The following OPA1 variants were observed in gnomAD, a reference collection of about 807,000 sequenced individuals.
OPA1 encodes the protein dynamin-like GTPase OPA1, mitochondrial.
Under a neutral mutation model 152.9 loss-of-function variants are expected in OPA1, and 59 were observed. The observed-to-expected ratio is 0.39, with a 90% CI of 0.31 to 0.48. The LOEUF is 0.48. OPA1 is among the 20% of genes least tolerant of loss of function. The pLI is 0.96. For missense variants in OPA1, 1,008 were observed against 1,216.8 expected, an observed-to-expected ratio of 0.83 and a Z score of 2.55; for synonymous variants, 400 against 389.9, an observed-to-expected ratio of 1.03 and a Z score of -0.31.
rs375103433 is a variant in OPA1 at position 193,660,520 on chromosome 3, C to A, written c.2520+959C>A. On this transcript the variant is annotated intron_variant, in intron 25 of 30. Coordinates refer to ENST00000361510, the MANE Select transcript of OPA1 (RefSeq NM_130837.3). ...AATAAAAATTGACCAAATGAGATGT[C>A]CCTATTTCTTTATTTTATATTTTCA... is the stretch of plus-strand genomic sequence containing the variant. Among the ~76,000 whole-genome samples, 33 of 152,164 alleles carry A rather than the reference C, an allele frequency of 2.2e-4. 1 individual carries two copies. The East Asian group carries it at 4.6e-3, about 21-fold the overall frequency.
rs538227293 is a variant in OPA1, at chr3:193,615,125, T to A, written c.351+84T>A. On this transcript the variant is annotated intron_variant, in intron 2 of 30. Transcript: ENST00000361510. ...CATAAATCATTTTTGTGTAGTGGAA[T>A]ACAATTGGATGTTTAAACATTTATT... 3.8e-6 allele frequency: 4 copies of A among 1,045,088 alleles called. No individual in the cohort carries two copies. In the South Asian group the frequency reaches 3.8e-5, roughly 10 times the overall value. The allele number at this position is 1,045,088 out of a possible 1,614,324, so 64.7% of individuals were successfully genotyped here. A position where few individuals can be genotyped will look rare whatever the true frequency, so the allele number is the denominator to read the frequency against.
chr3:193,615,157 C>T, intron 2 of OPA1, 116 bp downstream of exon 2: 5 of 831,610 alleles, frequency 6.0e-6, no homozygotes, highest in East Asian at 2.6e-5. Context: ...TATTTTGTGT[C>T]TCTACCATGG....
At chr3:193,600,167 C>A (rs1175115589) in intron 1 of OPA1, among the ~76,000 whole-genome samples, 1 of 152,194 alleles carries the variant, frequency 6.6e-6, no homozygotes, top group African/African-American at 2.4e-5. Context: ...TTTAACAATT[C>A]CCCCTTTTGG....
Position 193,643,623 on chromosome 3 carries a change from T to C in OPA1, c.1473T>C (p.Ile491=). Residue 491 remains isoleucine (I), a synonymous_variant, in exon 15 of 31, where the codon ATT becomes ATC. Coordinates refer to ENST00000361510, the MANE Select transcript of OPA1 (RefSeq NM_130837.3). ...MQNPNAIILC[I]QDGSVDAERS... Reference sequence around the variant, plus strand: ...ATCCTAATGCCATCATACTGTGTATTCAAGGTAAATCATATCAAAAGATTT... The same window carrying C: ...ATCCTAATGCCATCATACTGTGTATCCAAGGTAAATCATATCAAAAGATTT... 6.2e-7 allele frequency: 1 copy of C among 1,608,640 alleles called. No homozygotes were observed. The highest frequency in any genetic ancestry group is 8.5e-7 in the Non-Finnish European group (1 of 1,175,456).
At chr3:193,593,499 ACT>A (rs1724981024) in intron 1 of OPA1, 90 bp downstream of exon 1, 1 of 1,290,234 alleles carries the variant, frequency 7.8e-7, no homozygotes, top group Non-Finnish European at 1.0e-6. Flanking sequence ...TGTGCAGGTG[ACT>A]CTCAGGCCAG....
chr3:193,675,327 G>GAAAA (rs988338349), intron 29 of OPA1, among the ~76,000 whole-genome samples: 8 of 63,388 alleles, frequency 1.3e-4, no homozygotes, highest in East Asian at 3.9e-4. Flanking sequence ...TTTTTTTTAA[G>GAAAA]AAAAAAAAAA....
At position 193,648,115 on chromosome 3, in the gene OPA1, G is replaced by A. The variant is rs754022891; in HGVS notation, c.1916G>A (p.Arg639His). The part of the protein sequence containing the change: ...LETEWKNNYP[R>H]LRELDRNELF... ...ACTGAATGGAAGAATAACTATCCTC[G>A]CCTGCGGGAACTTGACCGGGTAATA... Residue 639 changes from arginine (R) to histidine (H), a missense_variant, in exon 20 of 31, where the codon CGC (arginine) becomes CAC (histidine). Arg to His is a conservative substitution (Grantham distance 29, BLOSUM62 0). This residue lies in a region of OPA1 where 229 missense variants were observed against 269.0 expected (regional missense o/e 0.85). Transcript: ENST00000361510. The A allele has an allele frequency of 1.9e-6, 3 of 1,612,778 alleles. No individual in the cohort carries two copies. Among genetic ancestry groups the A allele is most frequent in the Admixed American group, 1.7e-5 (1 of 59,972 alleles).
intron 3 of OPA1, among the ~76,000 whole-genome samples, chr3:193,616,897 T>G (rs898550821): frequency 1.3e-4 from 20 of 152,240 alleles, no homozygotes; most frequent in African/African-American, 4.6e-4. Flanking sequence ...ATTGTTCTTC[T>G]AATATTAATG....
intron 29 of OPA1, among the ~76,000 whole-genome samples, chr3:193,690,850 T>A (rs1279156663): frequency 6.6e-6 from 1 of 152,202 alleles, no homozygotes; most frequent in African/African-American, 2.4e-5. Context: ...CCTTAATTGA[T>A]CATTTCCACT....
chr3:193,682,881 C>T (rs575872712), intron 29 of OPA1, among the ~76,000 whole-genome samples: 41 of 152,224 alleles, frequency 2.7e-4, no homozygotes, highest in African/African-American at 4.3e-4. Context: ...CATTCTGCAG[C>T]CCATGGATCA....
chr3:193,668,176 G>A lies in OPA1; in HGVS notation c.2983+896G>A, dbSNP rs149461656. ...ATCCAGCATTACAAGGTTTGTTCTA[G>A]TGTTCTCCCTTTCGATATTTGTCAC... On this transcript the variant is annotated intron_variant, in intron 29 of 30. Coordinates refer to ENST00000361510, the MANE Select transcript of OPA1 (RefSeq NM_130837.3). 5.5e-3 allele frequency: 3,457 copies of A among 624,484 alleles called. 57 individuals carry two copies. The highest frequency in any genetic ancestry group is 0.024 in the East Asian group (852 of 36,244). 38.7% of individuals were successfully genotyped at this position (624,484 alleles called of 1,614,324 possible).
chr3:193,648,729 A>G (rs534307613), intron 20 of OPA1, 66 bp from the exon 21 acceptor site: 3 of 1,158,038 alleles, frequency 2.6e-6, no homozygotes, highest in Admixed American at 1.7e-5. Context: ...GTTATCTCTG[A>G]AAATCATGAC....
chr3:193,677,741 T>A (rs1213053319), intron 29 of OPA1, among the ~76,000 whole-genome samples: 1 of 152,202 alleles, frequency 6.6e-6, no homozygotes, highest in Admixed American at 6.5e-5. Context: ...TGAGCACGAT[T>A]CAGAATTACT....
At chr3:193,633,726 A>G (rs1283606427) in intron 8 of OPA1, among the ~76,000 whole-genome samples, 2 of 152,232 alleles carry the variant, frequency 1.3e-5, no homozygotes, top group African/African-American at 4.8e-5. Flanking sequence ...TGTGATCAGT[A>G]TAAAAAATAT....
At chr3:193,675,341 A>G (rs954834239) in intron 29 of OPA1, among the ~76,000 whole-genome samples, 1 of 150,890 alleles carries the variant, frequency 6.6e-6, no homozygotes, top group African/African-American at 2.4e-5. Flanking sequence ...AAAAAAAAAA[A>G]AAAAAAAAAC....
intron 1 of OPA1, among the ~76,000 whole-genome samples, chr3:193,596,197 C>CTTT (rs558965633): frequency 1.9e-5 from 2 of 106,552 alleles, no homozygotes; most frequent in African/African-American, 7.5e-5. Flanking sequence ...TGTTTTTCAC[C>CTTT]TTTTTTTTTT....
intron 1 of OPA1, among the ~76,000 whole-genome samples, chr3:193,598,785 G>C (rs746125065): frequency 1.3e-5 from 2 of 152,136 alleles, no homozygotes; most frequent in Non-Finnish European, 2.9e-5. Context: ...AGAAACTAAG[G>C]CTTTAGAAAA....
intron 29 of OPA1, among the ~76,000 whole-genome samples, chr3:193,673,251 A>C (rs976394674): frequency 2.6e-4 from 39 of 152,220 alleles, no homozygotes; most frequent in African/African-American, 9.4e-4. Context: ...AGAAGCTTCC[A>C]TAGTTACCAG....
At chr3:193,601,234 A>C (rs1247972867) in intron 1 of OPA1, among the ~76,000 whole-genome samples, 3 of 151,990 alleles carry the variant, frequency 2.0e-5, no homozygotes, top group Non-Finnish European at 2.9e-5. Flanking sequence ...CAGGAACCCC[A>C]GTGGAATCTT....
Sources: gnomAD v4.1 joint callset for allele counts (sites outside exome capture counted in the v4.1 genomes callset) on GRCh38, gnomAD v4.1.1 for gene constraint, gnomAD v4.1.1 regional missense constraint, MANE v1.5 for transcripts, NCBI Gene and HGNC (gene_info 2026-07-23, HGNC 2026-07-21) for gene names.